Variants in PCGF3 observed in about 807,000 individuals in gnomAD.
The protein encoded by PCGF3 is polycomb group ring finger 3.
A neutral mutation model predicts 33.1 loss-of-function variants in PCGF3; 7 were observed. The observed-to-expected ratio is 0.21, with a 90% CI of 0.12 to 0.40. The LOEUF is 0.40. Among genes scored for constraint, PCGF3 ranks in the 10% least tolerant of loss-of-function variants. The probability of loss-of-function intolerance (pLI) is 1.00; values close to 1 mark genes in which losing one functional copy is unlikely to be tolerated. For synonymous variants in PCGF3, 153 were observed against 121.3 expected, an observed-to-expected ratio of 1.26 and a Z score of -1.72; for missense variants, 211 against 313.3, an observed-to-expected ratio of 0.67 and a Z score of 2.46.
At chr4:749,121 C>T (rs78564282) in intron 8 of PCGF3, among the ~76,000 whole-genome samples, 1 of 152,214 alleles carries the variant, frequency 6.6e-6, no homozygotes, top group South Asian at 2.1e-4. Context: ...TTATTTGTTG[C>T]TTTCAAAAGG....
chr4:735,908 G>A (rs1043140906), intron 5 of PCGF3, among the ~76,000 whole-genome samples: 2 of 152,202 alleles, frequency 1.3e-5, no homozygotes, highest in African/African-American at 4.8e-5. Context: ...TTGGGAGGTC[G>A]TTCAGATTTG....
intron 1 of PCGF3, among the ~76,000 whole-genome samples, chr4:719,455 G>C (rs1478082260): frequency 6.6e-6 from 1 of 152,262 alleles, no homozygotes; most frequent in South Asian, 2.1e-4. Flanking sequence ...GGAACATGGT[G>C]GTGCCGGAGA....
Position 721,764 on chromosome 4 carries a change from G to A in PCGF3, c.-189-8866G>A, listed in dbSNP as rs1006890757. Among the ~76,000 whole-genome samples, 1 of 101,138 alleles carries A rather than the reference G, an allele frequency of 9.9e-6. No individual in the cohort carries two copies. The highest frequency in any genetic ancestry group is 2.9e-5 in the African/African-American group (1 of 35,034). The allele number at this position is 101,138 out of a possible 152,430, so 66.4% of individuals were successfully genotyped here. A position where few individuals can be genotyped will look rare whatever the true frequency, so the allele number is the denominator to read the frequency against. On this transcript the variant is annotated intron_variant, in intron 1 of 10. Coordinates refer to ENST00000362003, the Ensembl canonical transcript of PCGF3. The surrounding 1 kb of genome is among the most constrained non-coding windows in gnomAD (Gnocchi z 4.1). ...TGGGCATGGGGAGGGGCCTGTGGGA[G>A]GTGGATGGGTTGGGTGGCTCTGTGT...
chr4:758,640 C>G (rs1211698886), intron 8 of PCGF3, among the ~76,000 whole-genome samples: 1 of 122,912 alleles, frequency 8.1e-6, no homozygotes, highest in Admixed American at 7.9e-5. Context: ...CGGCCCCTCT[C>G]CCGAGTTCTT....
At chr4:730,440 G>C (rs1227800017) in intron 1 of PCGF3, among the ~76,000 whole-genome samples, 190 bp from the exon 2 acceptor site, 1 of 152,082 alleles carries the variant, frequency 6.6e-6, no homozygotes, top group Non-Finnish European at 1.5e-5. Flanking sequence ...GCTCAGAGAC[G>C]CCCGACAGGC....
intron 1 of PCGF3, among the ~76,000 whole-genome samples, chr4:728,184 G>A (rs560141865): frequency 1.1e-4 from 17 of 152,296 alleles, no homozygotes; most frequent in South Asian, 8.3e-4. Context: ...CAGCTCCCCC[G>A]AATCCATGGG....
chr4:714,987 C>G (rs1191358916), intron 1 of PCGF3, among the ~76,000 whole-genome samples: 7 of 146,932 alleles, frequency 4.8e-5, no homozygotes, highest in Non-Finnish European at 6.0e-5. Context: ...AGTGTGAGAA[C>G]TGGGTGTCGG....
chr4:710,705 A>G (rs905342679), intron 1 of PCGF3, among the ~76,000 whole-genome samples: 6 of 152,218 alleles, frequency 3.9e-5, no homozygotes, highest in African/African-American at 1.4e-4. Context: ...ATTCTTAGGA[A>G]TTAACTTGCA....
chr4:726,473 C>T (rs141120359), intron 1 of PCGF3, among the ~76,000 whole-genome samples: 4 of 152,342 alleles, frequency 2.6e-5, no homozygotes, highest in Admixed American at 6.5e-5. Flanking sequence ...GAGGCACTGC[C>T]GAAATTTCCC....
At chr4:743,696 G>A (rs1275625413) in intron 7 of PCGF3, 112 bp downstream of exon 7, 8 of 662,268 alleles carry the variant, frequency 1.2e-5, no homozygotes, top group South Asian at 7.1e-5. Flanking sequence ...ACGGGAGAAC[G>A]TGGGGGAACC....
chr4:750,794 T>G (rs1467537051), intron 8 of PCGF3, among the ~76,000 whole-genome samples: 1 of 152,142 alleles, frequency 6.6e-6, no homozygotes, highest in Admixed American at 6.5e-5. Flanking sequence ...AGGCTGATGG[T>G]TCTTACGTAG....
At chr4:714,277 G>A (rs951798681) in intron 1 of PCGF3, among the ~76,000 whole-genome samples, 2 of 152,202 alleles carry the variant, frequency 1.3e-5, no homozygotes, top group Non-Finnish European at 2.9e-5. Context: ...GCAGCCGCCT[G>A]AACAGACCAG....
At chr4:733,717 G>T in exon 4 of PCGF3, 1 of 1,610,726 alleles carries the variant, frequency 6.2e-7, no homozygotes, top group Non-Finnish European at 8.5e-7. Flanking sequence ...GGACATCAAC[G>T]CCCACATCAC....
chr4:731,578 G>A (rs1393900669), intron 3 of PCGF3, among the ~76,000 whole-genome samples: 1 of 122,274 alleles, frequency 8.2e-6, no homozygotes, highest in East Asian at 2.4e-4. Context: ...GGGTGGGCGT[G>A]GTCCTCGGGC....
rs528615665 is a variant in PCGF3 at position 765,469 on chromosome 4, T to C, written c.681+405T>C. On this transcript the variant is annotated intron_variant, in intron 10 of 10. Coordinates refer to ENST00000362003, the Ensembl canonical transcript of PCGF3. ...AAAAGTGATGACTCAGCTACAGAAA[T>C]TGTTGTGAAACACAGTTCTGGTCTT... 2.7e-5 allele frequency among the ~76,000 whole-genome samples: 4 copies of C among 150,402 alleles called. No homozygotes were observed. In the South Asian group the frequency reaches 8.4e-4, roughly 32 times the overall value.
chr4:750,780 A>G (rs1048260242), intron 8 of PCGF3, among the ~76,000 whole-genome samples: 1 of 152,112 alleles, frequency 6.6e-6, no homozygotes, highest in Admixed American at 6.5e-5. Context: ...GCTGCTGGCT[A>G]TGCAGGCTGA....
At chr4:708,023 G>GC (rs560376125) in intron 1 of PCGF3, among the ~76,000 whole-genome samples, 1 of 132,616 alleles carries the variant, frequency 7.5e-6, no homozygotes, top group African/African-American at 2.9e-5. Flanking sequence ...TCCCCTGGGG[G>GC]CCGGGACCCT....
At chr4:725,553 G>A (rs1338077921) in intron 1 of PCGF3, among the ~76,000 whole-genome samples, 1 of 135,442 alleles carries the variant, frequency 7.4e-6, no homozygotes, top group African/African-American at 2.5e-5. Context: ...TGGGCTCTGC[G>A]CTGTGGCTCC....
At chr4:737,323 T>C (rs1273035162) in intron 5 of PCGF3, 143 bp from the exon 6 acceptor site, 2 of 647,076 alleles carry the variant, frequency 3.1e-6, no homozygotes, top group Non-Finnish European at 5.5e-6. Context: ...TGGTGACACA[T>C]TTTTTCATGT....
Sources: allele counts gnomAD v4.1 joint callset (sites outside exome capture counted in the v4.1 genomes callset), GRCh38; gene constraint gnomAD v4.1.1; non-coding constraint Gnocchi (gnomAD v3.1); transcripts MANE v1.5; gene names NCBI Gene and HGNC (gene_info 2026-07-23, HGNC 2026-07-21).